Variants in SRBD1 observed in about 807,000 individuals in gnomAD.
SRBD1 encodes S1 RNA binding domain 1.
A neutral mutation model predicts 115.3 loss-of-function variants in SRBD1; 88 were observed. The observed-to-expected ratio is 0.76, with a 90% CI of 0.64 to 0.91. The LOEUF (loss-of-function observed/expected upper bound fraction) is 0.91. Ranked by LOEUF, SRBD1 falls within the 40% of genes least tolerant of loss-of-function variation. SRBD1 has a pLI of 0.00. For synonymous variants in SRBD1, 509 were observed against 407.7 expected (o/e 1.25, Z -2.99); for missense variants, 1,385 against 1,177.4 (o/e 1.18, Z -2.58).
chr2:45,451,941 A>T (rs1169256034), intron 16 of SRBD1, among the ~76,000 whole-genome samples: 1 of 152,020 alleles, frequency 6.6e-6, no homozygotes, highest in Non-Finnish European at 1.5e-5. Context: ...TGGTTAAAAA[A>T]TTTTAATGTT....
intron 16 of SRBD1, among the ~76,000 whole-genome samples, chr2:45,475,282 C>G (rs1235175769): frequency 6.6e-6 from 1 of 152,170 alleles, no homozygotes; most frequent in Non-Finnish European, 1.5e-5. Flanking sequence ...CTGCCATTAA[C>G]TTTGTCCAAG....
At chr2:45,436,341 G>T (rs1007377259) in intron 16 of SRBD1, among the ~76,000 whole-genome samples, 3 of 152,086 alleles carry the variant, frequency 2.0e-5, no homozygotes, top group African/African-American at 7.2e-5. Context: ...TTCCCACTAA[G>T]ATCAGAAACA....
In SRBD1 at chr2:45,546,640, A is replaced by C. The variant is rs1174025238; in HGVS notation, c.1874+92T>G. On this transcript the variant is annotated intron_variant, in intron 14 of 20. Transcript: ENST00000263736. ...GTGGTCTGGAGGGCAAAGAAGATGT[A>C]CATCTTAAAAAGAGAAGGGAGGATT... 1.9e-5 allele frequency: 24 copies of C among 1,245,114 alleles called. No individual in the cohort carries two copies. The South Asian group carries it at 3.0e-4, about 15-fold the overall frequency. 77.1% of individuals were successfully genotyped at this position (1,245,114 alleles called of 1,614,324 possible).
intron 9 of SRBD1, among the ~76,000 whole-genome samples, chr2:45,567,141 A>G (rs1283670869): frequency 6.6e-6 from 1 of 152,208 alleles, no homozygotes; most frequent in Non-Finnish European, 1.5e-5. Flanking sequence ...GTCAAAAGAT[A>G]AAACGCGTAT....
chr2:45,546,280 A>T (rs956637770), intron 14 of SRBD1: 39 of 985,332 alleles, frequency 4.0e-5, no homozygotes, highest in Non-Finnish European at 4.8e-6. Flanking sequence ...AAATGAGGAA[A>T]GAATACTGGA....
chr2:45,513,263 G>A (rs1250808882), intron 14 of SRBD1, among the ~76,000 whole-genome samples: 17 of 152,050 alleles, frequency 1.1e-4, no homozygotes, highest in Non-Finnish European at 1.9e-4. Context: ...TAGCCCAAAC[G>A]TAATCCCTAA....
At chr2:45,451,915 G>A (rs962529556) in intron 16 of SRBD1, among the ~76,000 whole-genome samples, 2 of 151,590 alleles carry the variant, frequency 1.3e-5, no homozygotes, top group Non-Finnish European at 2.9e-5. Context: ...AAAATGAGAG[G>A]TAAAAATAAA....
chr2:45,570,541 C>G (rs905109897), intron 9 of SRBD1, among the ~76,000 whole-genome samples: 1 of 152,144 alleles, frequency 6.6e-6, no homozygotes, highest in Non-Finnish European at 1.5e-5. Flanking sequence ...ACTCTAAATT[C>G]CATCCCTCCA....
intron 14 of SRBD1, among the ~76,000 whole-genome samples, chr2:45,500,309 G>A (rs1418478215): frequency 3.3e-5 from 5 of 151,412 alleles, no homozygotes; most frequent in Non-Finnish European, 7.4e-5. Flanking sequence ...GTATGTGTGT[G>A]TTTGGTTAAA....
chr2:45,403,845 C>A (rs933185966), intron 19 of SRBD1, among the ~76,000 whole-genome samples: 2 of 152,056 alleles, frequency 1.3e-5, no homozygotes, highest in Non-Finnish European at 2.9e-5. Context: ...CTTAAGATTC[C>A]TGATCTCTAA....
chr2:45,441,513 A>G (rs1668667959), intron 16 of SRBD1, among the ~76,000 whole-genome samples: 1 of 152,216 alleles, frequency 6.6e-6, no homozygotes, highest in Non-Finnish European at 1.5e-5. Context: ...GTACTGGTTT[A>G]GTTGAAGATC....
At chr2:45,597,722 G>T (rs1015744336) in intron 4 of SRBD1, among the ~76,000 whole-genome samples, 2 of 152,070 alleles carry the variant, frequency 1.3e-5, no homozygotes, top group African/African-American at 4.8e-5. Context: ...TCTTTGAAAG[G>T]TCCCTATGTC....
At chr2:45,546,257 G>C in intron 14 of SRBD1, 6 of 985,378 alleles carry the variant, frequency 6.1e-6, no homozygotes, top group Non-Finnish European at 7.2e-6. Context: ...ATAAAAGTTT[G>C]TGACCAAGGG....
In SRBD1 at chr2:45,467,352, C is replaced by G. The variant is rs977635931; in HGVS notation, c.2049+9641G>C. On this transcript the variant is annotated intron_variant, in intron 16 of 20. Coordinates refer to ENST00000263736, the MANE Select transcript of SRBD1 (RefSeq NM_018079.5). ...ACTCCCCTGCATAATCTTAAGGTTT[C>G]TCATTTAAATAATTTAAGAGTGAGG... 3.9e-5 allele frequency among the ~76,000 whole-genome samples: 6 copies of G among 152,256 alleles called. No homozygotes were observed. The South Asian group carries it at 6.2e-4, about 16-fold the overall frequency.
At chr2:45,503,091 T>C (rs1445337673) in intron 14 of SRBD1, among the ~76,000 whole-genome samples, 1 of 152,224 alleles carries the variant, frequency 6.6e-6, no homozygotes, top group African/African-American at 2.4e-5. Context: ...TTGAACTATG[T>C]GAAAGCTTAA....
At chr2:45,529,391 C>A (rs577407684) in intron 14 of SRBD1, among the ~76,000 whole-genome samples, 1 of 151,838 alleles carries the variant, frequency 6.6e-6, no homozygotes, top group African/African-American at 2.4e-5. Flanking sequence ...TTCAAAGGCC[C>A]AATATGTTAC....
intron 14 of SRBD1, among the ~76,000 whole-genome samples, chr2:45,504,533 A>G (rs1270532708): frequency 1.3e-5 from 2 of 152,232 alleles, no homozygotes; most frequent in Non-Finnish European, 2.9e-5. Context: ...CTCAAAGCAT[A>G]CAGCCAATTA....
At chr2:45,545,284 A>T (rs1572757578) in intron 14 of SRBD1, among the ~76,000 whole-genome samples, 1 of 16,672 alleles carries the variant, frequency 6.0e-5, no homozygotes, top group South Asian at 1.4e-3. Context: ...TGTCTCAATT[A>T]AAAAAAAAAA....
intron 16 of SRBD1, among the ~76,000 whole-genome samples, chr2:45,468,559 T>C (rs1381261227): frequency 6.6e-6 from 1 of 151,966 alleles, no homozygotes; most frequent in African/African-American, 2.4e-5. Flanking sequence ...AGCTAATTGT[T>C]TTACTTTTTT....
Sources: gnomAD v4.1 joint callset for allele counts (sites outside exome capture counted in the v4.1 genomes callset) on GRCh38, gnomAD v4.1.1 for gene constraint, MANE v1.5 for transcripts, NCBI Gene and HGNC (gene_info 2026-07-23, HGNC 2026-07-21) for gene names.